The following NKAIN3 variants were observed in gnomAD, a reference collection of about 807,000 sequenced individuals.
NKAIN3 encodes sodium/potassium-transporting ATPase subunit beta-1-interacting protein 3.
NKAIN3 carries 25 observed loss-of-function variants against 30.2 expected under a neutral mutation model. The ratio of observed to expected loss-of-function variants is 0.83; its 90% confidence interval spans 0.60 to 1.16. NKAIN3 has a LOEUF of 1.16. NKAIN3 is among the 50% of genes most tolerant of loss of function. NKAIN3 has a pLI of 0.00. For missense variants in NKAIN3, 225 were observed against 254.1 expected (o/e 0.89, Z 0.78); for synonymous variants, 91 against 89.6 (o/e 1.02, Z -0.09).
chr8:62,818,641 T>C (rs1281078869), intron 4 of NKAIN3, among the ~76,000 whole-genome samples: 2 of 152,088 alleles, frequency 1.3e-5, no homozygotes, highest in African/African-American at 2.4e-5. Context: ...CAAAGATTAA[T>C]AAGATAGAAT....
intron 4 of NKAIN3, among the ~76,000 whole-genome samples, chr8:62,749,679 C>CTTTTTTTTTTTTTT (rs35908903): frequency 6.6e-4 from 64 of 97,060 alleles, no homozygotes; most frequent in Non-Finnish European, 9.3e-4. Context: ...TTTTTCTTTT[C>CTTTTTTTTTTTTTT]TTTTTTTTTT....
chr8:62,732,722 T>C lies in NKAIN3; in HGVS notation c.274-14210T>C, dbSNP rs560304490. On this transcript the variant is annotated intron_variant, in intron 3 of 6. Coordinates refer to ENST00000623646, the MANE Select transcript of NKAIN3 (RefSeq NM_001304533.3). Reference sequence around the variant, plus strand: ...TGTACTGTATACACAGTTTTCACAGTTTTTTTATTATTATGTGGGGATTCT... The same window carrying C: ...TGTACTGTATACACAGTTTTCACAGCTTTTTTATTATTATGTGGGGATTCT... Among the ~76,000 whole-genome samples, 11 of 152,186 alleles carry C rather than the reference T, an allele frequency of 7.2e-5. No individual in the cohort carries two copies. In the East Asian group the frequency reaches 2.1e-3, roughly 29 times the overall value.
At chr8:62,373,482 G>A (rs566775585) in intron 1 of NKAIN3, among the ~76,000 whole-genome samples, 1 of 152,230 alleles carries the variant, frequency 6.6e-6, no homozygotes, top group African/African-American at 2.4e-5. Context: ...AGATTATACT[G>A]ATCTGTTTTG....
At chr8:62,342,495 G>T (rs117787401) in intron 1 of NKAIN3, among the ~76,000 whole-genome samples, 2 of 152,090 alleles carry the variant, frequency 1.3e-5, no homozygotes, top group Non-Finnish European at 2.9e-5. Flanking sequence ...TGTAACAAAA[G>T]TGTCTAGTCT....
chr8:62,432,092 C>G (rs1360864818), intron 1 of NKAIN3, among the ~76,000 whole-genome samples: 1 of 151,722 alleles, frequency 6.6e-6, no homozygotes, highest in Admixed American at 6.6e-5. Flanking sequence ...TTTTTATAAT[C>G]TCTCAATTTG....
At chr8:62,746,280 T>C (rs1816066995) in intron 3 of NKAIN3, among the ~76,000 whole-genome samples, 1 of 152,190 alleles carries the variant, frequency 6.6e-6, no homozygotes, top group Non-Finnish European at 1.5e-5. Context: ...TCTGCCTCCC[T>C]CTTATAAGAA....
chr8:62,909,195 C>T (rs147280176), intron 4 of NKAIN3, among the ~76,000 whole-genome samples: 1 of 152,126 alleles, frequency 6.6e-6, no homozygotes. Flanking sequence ...ACAAGGCCTG[C>T]AGGTCAAAAC....
At chr8:62,412,444 A>G (rs1388721665) in intron 1 of NKAIN3, among the ~76,000 whole-genome samples, 1 of 152,172 alleles carries the variant, frequency 6.6e-6, no homozygotes, top group Non-Finnish European at 1.5e-5. Context: ...CTCGAAATGG[A>G]TCAAATATTT....
At chr8:62,938,011 G>A (rs1315134318) in intron 5 of NKAIN3, among the ~76,000 whole-genome samples, 4 of 151,996 alleles carry the variant, frequency 2.6e-5, no homozygotes, top group Non-Finnish European at 5.9e-5. Context: ...CTTGGCCTGA[G>A]AACCACAACT....
intron 1 of NKAIN3, among the ~76,000 whole-genome samples, chr8:62,255,732 T>A (rs1563908517): frequency 6.6e-6 from 1 of 152,126 alleles, no homozygotes; most frequent in Non-Finnish European, 1.5e-5. Context: ...GTCAAAGGGT[T>A]AAGTTCTCAG....
intron 4 of NKAIN3, among the ~76,000 whole-genome samples, chr8:62,829,195 GT>G (rs1405980973): frequency 6.6e-6 from 1 of 152,170 alleles, no homozygotes; most frequent in Non-Finnish European, 1.5e-5. Flanking sequence ...TAATGCAGAG[GT>G]TTTTTAGTGT....
At position 62,974,354 on chromosome 8, in the gene NKAIN3, T is replaced by C. The variant is rs1451095793; in HGVS notation, c.*8947T>C. 6.6e-6 allele frequency among the ~76,000 whole-genome samples: 1 copy of C among 152,216 alleles called. No individual in the cohort carries two copies. The highest frequency in any genetic ancestry group is 1.5e-5 in the Non-Finnish European group (1 of 68,034). ...TCTTATTTCCTTGAGCAGTGGTTTG[T>C]AGTTCTTGAAGAGGTCATTCACATC... On this transcript the variant is annotated 3_prime_UTR_variant, in exon 7 of 7. Coordinates refer to ENST00000623646, the MANE Select transcript of NKAIN3 (RefSeq NM_001304533.3).
At chr8:62,804,527 T>A (rs996620658) in intron 4 of NKAIN3, among the ~76,000 whole-genome samples, 4 of 152,174 alleles carry the variant, frequency 2.6e-5, no homozygotes, top group Non-Finnish European at 5.9e-5. Flanking sequence ...ATCCAGCATA[T>A]AAACAGAACC....
At chr8:62,760,935 G>A (rs1445688197) in intron 4 of NKAIN3, among the ~76,000 whole-genome samples, 2 of 152,154 alleles carry the variant, frequency 1.3e-5, no homozygotes, top group Non-Finnish European at 1.5e-5. Flanking sequence ...CTCTGCACCT[G>A]TCGGCAAGGT....
At chr8:62,428,499 A>T (rs781598792) in intron 1 of NKAIN3, among the ~76,000 whole-genome samples, 1 of 151,692 alleles carries the variant, frequency 6.6e-6, no homozygotes, top group African/African-American at 2.4e-5. Context: ...CAGCATCTTC[A>T]CCAGCATTTA....
At chr8:62,922,583 T>A (rs879030857) in intron 5 of NKAIN3, among the ~76,000 whole-genome samples, 1 of 152,130 alleles carries the variant, frequency 6.6e-6, no homozygotes, top group Non-Finnish European at 1.5e-5. Flanking sequence ...TAGCAATGTA[T>A]GAACATTTGA....
chr8:62,644,483 A>C (rs192881769), intron 3 of NKAIN3, among the ~76,000 whole-genome samples: 1 of 152,192 alleles, frequency 6.6e-6, no homozygotes, highest in East Asian at 1.9e-4. Context: ...CCAAATAATA[A>C]ATCTGTGTTT....
At chr8:62,280,570 A>G (rs1813144165) in intron 1 of NKAIN3, among the ~76,000 whole-genome samples, 2 of 152,288 alleles carry the variant, frequency 1.3e-5, no homozygotes, top group Admixed American at 1.3e-4. Flanking sequence ...ATTTATTGGT[A>G]GTTTTTAGCA....
chr8:62,993,392 G>A (rs563053059), intron 5 of NKAIN3, among the ~76,000 whole-genome samples: 17 of 152,148 alleles, frequency 1.1e-4, no homozygotes, highest in Admixed American at 2.0e-4. Flanking sequence ...TGGAAAATTA[G>A]GAGAAAAAGA....
Sources: allele counts gnomAD v4.1 joint callset (sites outside exome capture counted in the v4.1 genomes callset), GRCh38; gene constraint gnomAD v4.1.1; transcripts MANE v1.5; gene names NCBI Gene and HGNC (gene_info 2026-07-23, HGNC 2026-07-21).